The following PAN3 variants were observed in gnomAD, a reference collection of about 807,000 sequenced individuals.
PAN3 encodes the protein poly(A) specific ribonuclease subunit PAN3, also known as PAN2-PAN3 deadenylation complex subunit PAN3.
A neutral mutation model predicts 96.2 loss-of-function variants in PAN3; 19 were observed. The observed-to-expected ratio is 0.20, with a 90% confidence interval of 0.14 to 0.29. The LOEUF is 0.29. Among genes scored for constraint, PAN3 ranks in the 10% least tolerant of loss-of-function variants. PAN3 has a pLI of 1.00. For missense variants in PAN3, 882 were observed against 1,108.1 expected (o/e 0.80, Z 2.90); for synonymous variants, 433 against 406.6 (o/e 1.06, Z -0.78).
intron 1 of PAN3, among the ~76,000 whole-genome samples, chr13:28,151,060 G>T (rs1871301220): frequency 6.6e-6 from 1 of 152,174 alleles, no homozygotes; most frequent in Admixed American, 6.6e-5. Context: ...TGAAATTTGA[G>T]TGTAGACTGG....
chr13:28,272,178 G>A, intron 14 of PAN3, 107 bp downstream of exon 14: 1 of 757,614 alleles, frequency 1.3e-6, no homozygotes, highest in South Asian at 2.4e-5. Flanking sequence ...AATTTATTTT[G>A]GGGTGGTGTC....
intron 1 of PAN3, among the ~76,000 whole-genome samples, chr13:28,144,286 G>C (rs1249297681): frequency 2.1e-5 from 3 of 144,424 alleles, no homozygotes; most frequent in Non-Finnish European, 4.5e-5. Flanking sequence ...GCGCAGTCTC[G>C]GCTCACTGCG....
At chr13:28,157,324 A>C (rs572988619) in intron 1 of PAN3, among the ~76,000 whole-genome samples, 1 of 152,306 alleles carries the variant, frequency 6.6e-6, no homozygotes, top group South Asian at 2.1e-4. Flanking sequence ...GCCTACTCTC[A>C]ACACTGCTAT....
intron 5 of PAN3, among the ~76,000 whole-genome samples, chr13:28,198,102 G>A (rs564277319): frequency 1.3e-5 from 2 of 151,790 alleles, no homozygotes; most frequent in African/African-American, 2.4e-5. Context: ...GTGAAACCCC[G>A]TCTCTACAAA....
At chr13:28,158,817 A>G (rs1231644017) in intron 1 of PAN3, among the ~76,000 whole-genome samples, 2 of 151,882 alleles carry the variant, frequency 1.3e-5, no homozygotes, top group East Asian at 3.9e-4. Context: ...GGCGGAGCTC[A>G]CAGTGAGTGG....
Position 28,278,978 on chromosome 13 carries a change from C to T in PAN3, c.2190-1434C>T, listed in dbSNP as rs929354503. ...AATTCCCATCTTCTGGAGCTTACAC[C>T]CTAATGGGAAGAAAGAGTAAATAAA... is the stretch of plus-strand genomic sequence containing the variant. On this transcript the variant is annotated intron_variant, in intron 15 of 18. Transcript: ENST00000380958. Among the ~76,000 whole-genome samples the T allele has an allele frequency of 3.8e-4, 58 of 151,576 alleles. 1 individual carries two copies. Among genetic ancestry groups the T allele is most frequent in the Admixed American group, 3.8e-3 (58 of 15,190 alleles).
intron 18 of PAN3, 87 bp downstream of exon 18, chr13:28,288,209 G>A (rs1217809566): frequency 6.5e-6 from 8 of 1,224,870 alleles, no homozygotes; most frequent in South Asian, 1.6e-5. Flanking sequence ...GGAAACTTAA[G>A]AAATCAGGAT....
chr13:28,141,379 C>T (rs35486680), intron 1 of PAN3, among the ~76,000 whole-genome samples: 17,084 of 150,436 alleles, frequency 0.11, 1,098 homozygotes, highest in East Asian at 0.33. Flanking sequence ...TTAAAAAAAA[C>T]TTTTAAAGTT....
chr13:28,172,715 C>T (rs1431925299), intron 1 of PAN3, among the ~76,000 whole-genome samples: 4 of 152,078 alleles, frequency 2.6e-5, no homozygotes, highest in Admixed American at 1.3e-4. Flanking sequence ...CTTAATCATT[C>T]TTCTGTCGTT....
At chr13:28,274,839 C>G (rs1200571194) in intron 14 of PAN3, among the ~76,000 whole-genome samples, 1 of 151,956 alleles carries the variant, frequency 6.6e-6, no homozygotes, top group East Asian at 1.9e-4. Flanking sequence ...TAAAGATAGT[C>G]CCAAAGGGGG....
intron 5 of PAN3, among the ~76,000 whole-genome samples, chr13:28,212,546 C>T (rs1880173433): frequency 2.0e-5 from 3 of 152,016 alleles, no homozygotes; most frequent in Admixed American, 6.6e-5. Context: ...GAAATAGTTA[C>T]GTGAAAACAT....
chr13:28,202,248 A>G (rs1464920849), intron 5 of PAN3, among the ~76,000 whole-genome samples: 1 of 152,140 alleles, frequency 6.6e-6, no homozygotes, highest in Non-Finnish European at 1.5e-5. Context: ...GTAGAGCTGC[A>G]ATTCTAGCCA....
intron 3 of PAN3, among the ~76,000 whole-genome samples, chr13:28,176,761 CT>C (rs1875065027): frequency 6.6e-6 from 1 of 151,660 alleles, no homozygotes; most frequent in Non-Finnish European, 1.5e-5. Flanking sequence ...AATCCCAGCA[CT>C]TTGGGAGGCT....
At chr13:28,173,808 T>C (rs1462502404) in intron 1 of PAN3, among the ~76,000 whole-genome samples, 1 of 152,250 alleles carries the variant, frequency 6.6e-6, no homozygotes, top group Non-Finnish European at 1.5e-5. Context: ...GCCATCCTAT[T>C]GCTACCTCTG....
intron 1 of PAN3, among the ~76,000 whole-genome samples, chr13:28,157,445 T>C (rs1872339805): frequency 3.3e-5 from 5 of 152,144 alleles, no homozygotes; most frequent in Admixed American, 3.3e-4. Flanking sequence ...GATATGATTT[T>C]ATACCTAGAA....
chr13:28,251,616 G>A (rs957071659), intron 6 of PAN3, among the ~76,000 whole-genome samples: 2 of 152,240 alleles, frequency 1.3e-5, no homozygotes, highest in South Asian at 2.1e-4. Context: ...ATTGCTCTTC[G>A]ACAGACAGGC....
At chr13:28,198,376 CTTT>C (rs1878320876) in intron 5 of PAN3, among the ~76,000 whole-genome samples, 1 of 151,854 alleles carries the variant, frequency 6.6e-6, no homozygotes, top group Non-Finnish European at 1.5e-5. Flanking sequence ...CATATGTTGT[CTTT>C]TTAACATTTT....
chr13:28,248,617 T>G (rs1242576284), intron 6 of PAN3, among the ~76,000 whole-genome samples: 1 of 152,100 alleles, frequency 6.6e-6, no homozygotes, highest in Non-Finnish European at 1.5e-5. Context: ...CTCCGCCTCC[T>G]GGGCTCAAGC....
At chr13:28,270,620 CTT>C in intron 12 of PAN3, 79 bp from the exon 13 acceptor site, 1 of 1,420,306 alleles carries the variant, frequency 7.0e-7, no homozygotes, top group South Asian at 1.3e-5. Flanking sequence ...CATGAATTGT[CTT>C]TGCTAATTTT....
Sources: gnomAD v4.1 joint callset for allele counts (sites outside exome capture counted in the v4.1 genomes callset) on GRCh38, gnomAD v4.1.1 for gene constraint, MANE v1.5 for transcripts, NCBI Gene and HGNC (gene_info 2026-07-23, HGNC 2026-07-21) for gene names.